Variants in FAM222B observed in about 807,000 individuals in gnomAD.
FAM222B encodes family with sequence similarity 222 member B.
FAM222B carries 12 observed loss-of-function variants against 38.0 expected under a neutral mutation model. The observed-to-expected ratio is 0.32, with a 90% CI of 0.20 to 0.51. The LOEUF is 0.51. FAM222B is among the 20% of genes least tolerant of loss of function. The pLI is 0.97. For missense variants in FAM222B, 716 were observed against 754.2 expected, an observed-to-expected ratio of 0.95 and a Z score of 0.59; for synonymous variants, 329 against 317.2, an observed-to-expected ratio of 1.04 and a Z score of -0.40.
At chr17:28,776,266 A>G (rs2035890749) in intron 1 of FAM222B, among the ~76,000 whole-genome samples, 1 of 148,182 alleles carries the variant, frequency 6.7e-6, no homozygotes, top group Non-Finnish European at 1.5e-5. Context: ...AGTCCCAGCT[A>G]CTCGGGAGGC....
chr17:28,843,826 A>G (rs898105507), upstream of FAM222B, among the ~76,000 whole-genome samples: 5 of 152,090 alleles, frequency 3.3e-5, no homozygotes, highest in African/African-American at 1.2e-4. Flanking sequence ...GCCATCCTAG[A>G]ATACGCTACT....
intron 2 of FAM222B, among the ~76,000 whole-genome samples, chr17:28,762,431 G>A (rs2035120792): frequency 1.3e-5 from 2 of 151,750 alleles, no homozygotes; most frequent in East Asian, 1.9e-4. Context: ...TTCAAGACCA[G>A]CCTGCCCAGC....
chr17:28,787,860 C>G (rs1284817253), intron 1 of FAM222B, among the ~76,000 whole-genome samples: 1 of 124,740 alleles, frequency 8.0e-6, no homozygotes, highest in African/African-American at 3.3e-5. Context: ...GAGTTTCGCT[C>G]TTGTTGCAGG....
intron 1 of FAM222B, among the ~76,000 whole-genome samples, chr17:28,835,853 T>C (rs1482553359): frequency 6.6e-6 from 1 of 151,942 alleles, no homozygotes; most frequent in East Asian, 1.9e-4. Flanking sequence ...TTTTTATTTT[T>C]TTGTAAAGAG....
At position 28,808,708 on chromosome 17, in the gene FAM222B, T is replaced by C. The variant is rs181119961; in HGVS notation, c.-41+33974A>G. Reference sequence around the variant, plus strand: ...GCTTAAACACACAAAATATTGTCTCTGACACCTGACTGAAAAAGCTGAAAA... The same window carrying C: ...GCTTAAACACACAAAATATTGTCTCCGACACCTGACTGAAAAAGCTGAAAA... On this transcript the variant is annotated intron_variant, in intron 1 of 2. Transcript: ENST00000581407. 7.5e-4 allele frequency among the ~76,000 whole-genome samples: 115 copies of C among 152,344 alleles called. 1 individual carries two copies. The highest frequency in any genetic ancestry group is 2.6e-3 in the African/African-American group (108 of 41,588).
upstream of FAM222B, among the ~76,000 whole-genome samples, chr17:28,844,284 A>G (rs1329944312): frequency 6.6e-6 from 1 of 152,138 alleles, no homozygotes; most frequent in African/African-American, 2.4e-5. Flanking sequence ...CAGAGTTTGG[A>G]CACATAAGGC....
intron 1 of FAM222B, among the ~76,000 whole-genome samples, chr17:28,790,633 A>G (rs2151868412): frequency 6.6e-6 from 1 of 152,284 alleles, no homozygotes; most frequent in African/African-American, 2.4e-5. Flanking sequence ...GCTATAAAGC[A>G]TATAACTGGT....
chr17:28,787,618 C>G (rs936915417), intron 1 of FAM222B, among the ~76,000 whole-genome samples: 3 of 152,078 alleles, frequency 2.0e-5, no homozygotes, highest in African/African-American at 4.8e-5. Context: ...TGGAGCACCC[C>G]CTTCCACACC....
At chr17:28,819,946 G>T (rs2151942629) in intron 1 of FAM222B, among the ~76,000 whole-genome samples, 1 of 152,246 alleles carries the variant, frequency 6.6e-6, no homozygotes, top group East Asian at 1.9e-4. Context: ...CATCAAAGAG[G>T]AAAAGAAACC....
chr17:28,765,330 T>C (rs1368673168), intron 2 of FAM222B, among the ~76,000 whole-genome samples: 1 of 152,218 alleles, frequency 6.6e-6, no homozygotes, highest in Non-Finnish European at 1.5e-5. Context: ...AAAGTTTCAC[T>C]GGAACACAGA....
chr17:28,799,109 G>C (rs1326897766), intron 1 of FAM222B, among the ~76,000 whole-genome samples: 1 of 151,208 alleles, frequency 6.6e-6, no homozygotes, highest in Non-Finnish European at 1.5e-5. Context: ...CAAGTAGCTG[G>C]GACTACAGGC....
chr17:28,851,285 C>A (rs1248726141), intron 1 of FAM222B, among the ~76,000 whole-genome samples: 1 of 151,826 alleles, frequency 6.6e-6, no homozygotes, highest in Non-Finnish European at 1.5e-5. Context: ...GTAAGCCCAG[C>A]ACTTTGGGAG....
intron 1 of FAM222B, among the ~76,000 whole-genome samples, chr17:28,786,736 C>T (rs1434077937): frequency 6.6e-6 from 1 of 151,968 alleles, no homozygotes; most frequent in Non-Finnish European, 1.5e-5. Context: ...TGGCCATGTA[C>T]CCACTATGTA....
intron 1 of FAM222B, among the ~76,000 whole-genome samples, chr17:28,790,095 T>G (rs1259497238): frequency 1.3e-5 from 2 of 152,226 alleles, no homozygotes; most frequent in African/African-American, 4.8e-5. Context: ...ATTTTTTTTC[T>G]TGATTTACTG....
chr17:28,836,014 C>A (rs1035725893), intron 1 of FAM222B, among the ~76,000 whole-genome samples: 2 of 150,350 alleles, frequency 1.3e-5, no homozygotes, highest in African/African-American at 4.9e-5. Flanking sequence ...TTTTCAGAGT[C>A]TCCCTCTTGT....
upstream of FAM222B, among the ~76,000 whole-genome samples, chr17:28,847,434 A>G (rs2039152635): frequency 6.6e-6 from 1 of 151,494 alleles, no homozygotes; most frequent in South Asian, 2.1e-4. Flanking sequence ...CTCTACTAAA[A>G]ATACAAAAAA....
At chr17:28,767,473 TTTAC>T (rs1384378775) in intron 1 of FAM222B, among the ~76,000 whole-genome samples, 2 of 151,044 alleles carry the variant, frequency 1.3e-5, no homozygotes, top group African/African-American at 4.9e-5. Flanking sequence ...CTTACATTTA[TTTAC>T]TTATTTATTT....
At chr17:28,786,774 C>G (rs574909097) in intron 1 of FAM222B, among the ~76,000 whole-genome samples, 2 of 151,976 alleles carry the variant, frequency 1.3e-5, no homozygotes, top group African/African-American at 2.4e-5. Flanking sequence ...CTTCTTAGAA[C>G]TAGTTCTCTG....
chr17:28,818,521 C>T (rs2038105908), intron 1 of FAM222B, among the ~76,000 whole-genome samples: 1 of 145,894 alleles, frequency 6.9e-6, no homozygotes, highest in Non-Finnish European at 1.5e-5. Context: ...GGCGACAGAG[C>T]GAGAGTCCGT....
Sources: gnomAD v4.1 joint callset for allele counts (sites outside exome capture counted in the v4.1 genomes callset) on GRCh38, gnomAD v4.1.1 for gene constraint, MANE v1.5 for transcripts, NCBI Gene and HGNC (gene_info 2026-07-23, HGNC 2026-07-21) for gene names.